The following SPATA1 variants were observed in gnomAD, a reference collection of about 807,000 sequenced individuals.
SPATA1 encodes spermatogenesis-associated protein 1.
Under a neutral mutation model 59.6 loss-of-function variants are expected in SPATA1, and 57 were observed. That is an observed-to-expected ratio of 0.96 (90% confidence interval 0.77 to 1.19). The LOEUF (loss-of-function observed/expected upper bound fraction) is 1.19. Among genes scored for constraint, SPATA1 ranks in the 50% most tolerant of loss-of-function variants. The pLI, the probability that SPATA1 is intolerant of heterozygous loss-of-function variation, is 0.00. For synonymous variants in SPATA1, 147 were observed against 163.9 expected (o/e 0.90, Z 0.79); for missense variants, 448 against 480.7 (o/e 0.93, Z 0.64).
chr1:84,538,036 A>C (rs1683769858), intron 8 of SPATA1, among the ~76,000 whole-genome samples: 1 of 152,216 alleles, frequency 6.6e-6, no homozygotes, highest in Admixed American at 6.5e-5. Flanking sequence ...AAACCAAAGC[A>C]TTACCAACCT....
chr1:84,533,636 T>A, intron 7 of SPATA1, 73 bp from the exon 8 acceptor site: 2 of 1,188,748 alleles, frequency 1.7e-6, no homozygotes, highest in South Asian at 2.8e-5. Flanking sequence ...TCAAATAAAA[T>A]ACATAAAATA....
intron 6 of SPATA1, among the ~76,000 whole-genome samples, chr1:84,529,052 G>GACT (rs1683350966): frequency 6.6e-6 from 1 of 151,380 alleles, no homozygotes; most frequent in African/African-American, 2.4e-5. Flanking sequence ...ACCACTTTCA[G>GACT]ACTTTATCCA....
At chr1:84,515,897 T>C (rs1435367039) in intron 1 of SPATA1, among the ~76,000 whole-genome samples, 2 of 152,330 alleles carry the variant, frequency 1.3e-5, no homozygotes, top group African/African-American at 4.8e-5. Context: ...TAGTTGATAC[T>C]AACCAAGTAT....
chr1:84,557,977 C>A (rs78980347), downstream of SPATA1, among the ~76,000 whole-genome samples: 163 of 151,920 alleles, frequency 1.1e-3, 2 homozygotes, highest in East Asian at 0.03. Context: ...GAATGTGTTT[C>A]TTCATAGAAA....
chr1:84,563,439 A>C (rs1458600684), intron 4 of SPATA1: 1 of 1,441,548 alleles, frequency 6.9e-7, no homozygotes, highest in Non-Finnish European at 9.1e-7. Flanking sequence ...AAAAGTGCTC[A>C]TGTTATATAT....
At chr1:84,558,580 C>T (rs1165036342), downstream of SPATA1, among the ~76,000 whole-genome samples, 1 of 149,600 alleles carries the variant, frequency 6.7e-6, no homozygotes, top group Admixed American at 6.6e-5. Flanking sequence ...CGTGAGCCAC[C>T]GCGCCCGGCC....
intron 10 of SPATA1, among the ~76,000 whole-genome samples, chr1:84,548,348 G>A (rs1276656492): frequency 6.6e-6 from 1 of 150,710 alleles, no homozygotes; most frequent in East Asian, 1.9e-4. Context: ...ATTAATTTTG[G>A]ATCAGTTTTC....
intron 12 of SPATA1, chr1:84,550,981 A>ATAAC: frequency 1.0e-6 from 1 of 984,154 alleles, no homozygotes; most frequent in Non-Finnish European, 1.2e-6. Context: ...CTAGATGTTA[A>ATAAC]GTTTCCTTCC....
At chr1:84,565,549 C>T (rs1684683910) in intron 4 of SPATA1, among the ~76,000 whole-genome samples, 1 of 152,054 alleles carries the variant, frequency 6.6e-6, no homozygotes, top group African/African-American at 2.4e-5. Context: ...CCTGATTAAG[C>T]CCCAACTATA....
intron 4 of SPATA1, among the ~76,000 whole-genome samples, chr1:84,560,133 G>GAAA (rs1558625719): frequency 7.3e-5 from 10 of 136,882 alleles, no homozygotes; most frequent in African/African-American, 2.2e-4. Context: ...AAGAAAGAAA[G>GAAA]GAAAGAAAGA....
intron 8 of SPATA1, among the ~76,000 whole-genome samples, chr1:84,537,210 G>A (rs1416014490): frequency 3.3e-5 from 5 of 152,008 alleles, no homozygotes; most frequent in African/African-American, 1.2e-4. Flanking sequence ...CAGTATCCCC[G>A]AAGAAGCCAA....
At chr1:84,513,484 T>C (rs1055436296) in intron 1 of SPATA1, among the ~76,000 whole-genome samples, 2 of 152,210 alleles carry the variant, frequency 1.3e-5, no homozygotes, top group Non-Finnish European at 2.9e-5. Context: ...TAGCAAAGGC[T>C]TACTCAAGTT....
chr1:84,536,504 C>T (rs1350087204), intron 8 of SPATA1, among the ~76,000 whole-genome samples: 7 of 152,196 alleles, frequency 4.6e-5, no homozygotes. Flanking sequence ...AGTGCAGTGG[C>T]GCTATGTCCG....
At chr1:84,520,349 C>G (rs12561783) in intron 2 of SPATA1, 3 of 387,230 alleles carry the variant, frequency 7.7e-6, no homozygotes, top group Non-Finnish European at 1.4e-5. Flanking sequence ...AGATGTTGAG[C>G]TAATCTCATA....
At chr1:84,526,114 T>A (rs1683212776) in intron 6 of SPATA1, 41 bp downstream of exon 6, 1 of 1,512,720 alleles carries the variant, frequency 6.6e-7, no homozygotes, top group Non-Finnish European at 9.0e-7. Flanking sequence ...GAGGCTATTA[T>A]AGTACATTTT....
chr1:84,509,113 A>G (rs1444453199), intron 1 of SPATA1, among the ~76,000 whole-genome samples: 1 of 152,150 alleles, frequency 6.6e-6, no homozygotes, highest in East Asian at 1.9e-4. Flanking sequence ...CACCAAAGTT[A>G]CCCTGAGCCA....
At chr1:84,545,705 C>T in exon 10 of SPATA1, 1 of 1,534,970 alleles carries the variant, frequency 6.5e-7, no homozygotes, top group African/African-American at 1.4e-5. Flanking sequence ...TAGAGAAGAA[C>T]TAGTAAAAAC....
chr1:84,532,799 T>G (rs901231441), intron 6 of SPATA1, 61 bp from the exon 7 acceptor site: 5 of 1,196,170 alleles, frequency 4.2e-6, no homozygotes, highest in Non-Finnish European at 6.0e-6. Context: ...AAACAAACGT[T>G]TATTTTACTA....
intron 12 of SPATA1, chr1:84,550,914 T>G: frequency 3.1e-6 from 3 of 978,714 alleles, no homozygotes; most frequent in Non-Finnish European, 3.6e-6. Flanking sequence ...TCGTTTCATT[T>G]TTTCTGGTTA....
Sources: allele counts gnomAD v4.1 joint callset (sites outside exome capture counted in the v4.1 genomes callset), GRCh38; gene constraint gnomAD v4.1.1; transcripts MANE v1.5; gene names NCBI Gene and HGNC (gene_info 2026-07-23, HGNC 2026-07-21).